Variants in ATAD2B observed in about 807,000 individuals in gnomAD.
ATAD2B encodes the protein ATPase family AAA domain-containing protein 2B.
In ATAD2B, 40 loss-of-function variants were observed where a neutral mutation model predicts 167.6. That is an observed-to-expected ratio of 0.24 (90% CI 0.19 to 0.31). The LOEUF (loss-of-function observed/expected upper bound fraction) is 0.31. ATAD2B is among the 10% of genes least tolerant of loss of function. The pLI, the probability that ATAD2B is intolerant of heterozygous loss-of-function variation, is 1.00. For missense variants in ATAD2B, 1,242 were observed against 1,757.2 expected (o/e 0.71, Z 5.24); for synonymous variants, 579 against 596.5 (o/e 0.97, Z 0.43).
chr2:23,842,353 A>G (rs1691052715), intron 13 of ATAD2B, among the ~76,000 whole-genome samples: 1 of 152,210 alleles, frequency 6.6e-6, no homozygotes, highest in Non-Finnish European at 1.5e-5. Context: ...AGGTTATAAT[A>G]AAGACCCAAT....
chr2:23,892,365 C>T (rs1699640084), intron 2 of ATAD2B, among the ~76,000 whole-genome samples: 1 of 152,060 alleles, frequency 6.6e-6, no homozygotes. Flanking sequence ...GGGGTTTCAC[C>T]GTGTTAGCCA....
chr2:23,843,435 C>T (rs1691250550), intron 13 of ATAD2B, among the ~76,000 whole-genome samples: 1 of 152,192 alleles, frequency 6.6e-6, no homozygotes, highest in Non-Finnish European at 1.5e-5. Flanking sequence ...ATACTGAAAG[C>T]AGCAAGAGAA....
intron 6 of ATAD2B, among the ~76,000 whole-genome samples, chr2:23,881,303 T>C (rs1558721658): frequency 6.6e-6 from 1 of 151,404 alleles, no homozygotes. Context: ...AGAGGGAGCA[T>C]GAAACAGACT....
intron 2 of ATAD2B, among the ~76,000 whole-genome samples, chr2:23,892,245 G>A (rs1427132020): frequency 1.3e-5 from 2 of 152,138 alleles, no homozygotes; most frequent in Non-Finnish European, 2.9e-5. Context: ...CTCATTGCAA[G>A]CCCCGCCTCC....
At chr2:23,685,801 T>A in the ATAD2B span, among the ~76,000 whole-genome samples, 1 of 152,204 alleles carries the variant, frequency 6.6e-6, no homozygotes, top group Non-Finnish European at 1.5e-5. Flanking sequence ...CAGGGAGGAC[T>A]CTGTGCTGCC....
intron 13 of ATAD2B, among the ~76,000 whole-genome samples, chr2:23,841,098 A>ATTT (rs572061183): frequency 4.9e-4 from 57 of 117,186 alleles, no homozygotes; most frequent in Non-Finnish European, 5.9e-4. Flanking sequence ...ATGCATGGCT[A>ATTT]TTTTTTTTTT....
chr2:23,726,482 A>G, the ATAD2B span, among the ~76,000 whole-genome samples: 13 of 152,204 alleles, frequency 8.5e-5, no homozygotes, highest in Non-Finnish European at 1.3e-4. Context: ...ACTTTTCATT[A>G]GCTGGAGGTA....
intron 7 of ATAD2B, among the ~76,000 whole-genome samples, chr2:23,879,185 G>A (rs1287483312): frequency 6.6e-6 from 1 of 152,066 alleles, no homozygotes; most frequent in Admixed American, 6.6e-5. Context: ...AGACCTACAT[G>A]TGAATGTTCA....
intron 17 of ATAD2B, among the ~76,000 whole-genome samples, chr2:23,815,461 C>T (rs1271021307): frequency 6.6e-6 from 1 of 152,102 alleles, no homozygotes; most frequent in African/African-American, 2.4e-5. Context: ...AGAGAAGGGG[C>T]GTATGATACA....
the ATAD2B span, among the ~76,000 whole-genome samples, chr2:23,736,180 T>C: frequency 1.3e-5 from 2 of 152,316 alleles, no homozygotes; most frequent in East Asian, 1.9e-4. Flanking sequence ...TTATTTCTCA[T>C]CTATACAACT....
At chr2:23,918,398 CCTA>C (rs1401220718) in intron 1 of ATAD2B, among the ~76,000 whole-genome samples, 1 of 151,636 alleles carries the variant, frequency 6.6e-6, no homozygotes, top group African/African-American at 2.4e-5. Flanking sequence ...TACATATATG[CCTA>C]CTATGTACCC....
chr2:23,885,594 CA>C, intron 5 of ATAD2B, 132 bp downstream of exon 5: 1 of 541,650 alleles, frequency 1.8e-6, no homozygotes, highest in Non-Finnish European at 3.2e-6. Context: ...AATAAAATCC[CA>C]AACTAAGTTG....
intron 1 of ATAD2B, among the ~76,000 whole-genome samples, chr2:23,918,750 C>T (rs1196154767): frequency 6.6e-6 from 1 of 152,128 alleles, no homozygotes; most frequent in Non-Finnish European, 1.5e-5. Flanking sequence ...ACTGATTGAA[C>T]AACATCAAAG....
chr2:23,686,839 G>T, the ATAD2B span, among the ~76,000 whole-genome samples: 1 of 152,152 alleles, frequency 6.6e-6, no homozygotes, highest in African/African-American at 2.4e-5. Flanking sequence ...GAAAAAGGAG[G>T]GGAAGCCAAA....
chr2:23,884,101 G>A (rs535911461), intron 6 of ATAD2B, among the ~76,000 whole-genome samples: 7 of 152,066 alleles, frequency 4.6e-5, no homozygotes, highest in South Asian at 2.1e-4. Flanking sequence ...CCAAGATTGC[G>A]CCACTGTACT....
At chr2:23,909,549 GT>G (rs1462307944) in intron 1 of ATAD2B, among the ~76,000 whole-genome samples, 2 of 151,808 alleles carry the variant, frequency 1.3e-5, no homozygotes, top group East Asian at 3.9e-4. Flanking sequence ...TAACCTATGA[GT>G]TGTTTATATG....
At chr2:23,871,737 A>T (rs2150112446) in intron 8 of ATAD2B, among the ~76,000 whole-genome samples, 1 of 152,340 alleles carries the variant, frequency 6.6e-6, no homozygotes, top group East Asian at 1.9e-4. Context: ...TCCAATGCCC[A>T]CATGTCCCAT....
At chr2:23,833,297 T>C (rs1226053226) in intron 14 of ATAD2B, among the ~76,000 whole-genome samples, 1 of 152,164 alleles carries the variant, frequency 6.6e-6, no homozygotes, top group African/African-American at 2.4e-5. Flanking sequence ...TTTGCATGTA[T>C]CTCTTCCTCT....
chr2:23,717,798 G>A, the ATAD2B span, among the ~76,000 whole-genome samples: 6 of 152,124 alleles, frequency 3.9e-5, no homozygotes, highest in African/African-American at 1.4e-4. Context: ...AAGCAAAAGG[G>A]CATGTGACAA....
Sources: allele counts gnomAD v4.1 joint callset (sites outside exome capture counted in the v4.1 genomes callset), GRCh38; gene constraint gnomAD v4.1.1; transcripts MANE v1.5; gene names NCBI Gene and HGNC (gene_info 2026-07-23, HGNC 2026-07-21).